RSPH9: variants seen among roughly 807,000 people sequenced by gnomAD.
The protein encoded by RSPH9 is radial spoke head component 9.
RSPH9 carries 27 observed loss-of-function variants against 27.0 expected under a neutral mutation model. The ratio of observed to expected loss-of-function variants is 1.00; its 90% CI spans 0.74 to 1.38. The LOEUF is 1.38. Ranked by LOEUF, RSPH9 falls within the 40% of genes most tolerant of loss-of-function variation. The pLI is 0.00. For synonymous variants in RSPH9, 145 were observed against 147.7 expected, an observed-to-expected ratio of 0.98 and a Z score of 0.13; for missense variants, 347 against 357.4, an observed-to-expected ratio of 0.97 and a Z score of 0.24.
chr6:43,670,697 C>A, intron 4 of RSPH9, 92 bp from the exon 5 acceptor site: 2 of 1,131,834 alleles, frequency 1.8e-6, no homozygotes, highest in Non-Finnish European at 2.7e-6. Flanking sequence ...GCACCTGGGC[C>A]TGGCTGCCCA....
In RSPH9 at chr6:43,671,934, G is replaced by C; in HGVS notation, c.*985G>C. 1.3e-6 allele frequency: 2 copies of C among 1,563,356 alleles called. No homozygotes were observed. Among genetic ancestry groups the C allele is most frequent in the Non-Finnish European group, 1.7e-6 (2 of 1,153,246 alleles). On this transcript the variant is annotated 3_prime_UTR_variant, in exon 5 of 5. Transcript: ENST00000372163. ...GTGGAGGGAGAACAAAGAGGTGCCT[G>C]TGAGGGCTGGGGGCCCAAGCTGGAC...
chr6:43,658,256 AC>A (rs1364607589), intron 4 of RSPH9, among the ~76,000 whole-genome samples: 2 of 142,720 alleles, frequency 1.4e-5, no homozygotes, highest in Non-Finnish European at 3.0e-5. Context: ...GCGCCACTGC[AC>A]TCCAGCCTGG....
chr6:43,665,823 CT>C (rs529992310), intron 4 of RSPH9, among the ~76,000 whole-genome samples: 11 of 148,610 alleles, frequency 7.4e-5, no homozygotes, highest in Admixed American at 6.7e-5. Flanking sequence ...TTCTTTCTTT[CT>C]TTTTTTTTTA....
At position 43,671,051 on chromosome 6, in the gene RSPH9, C is replaced by A; in HGVS notation, c.*102C>A. On this transcript the variant is annotated 3_prime_UTR_variant, in exon 5 of 5. Coordinates refer to ENST00000372163, the MANE Select transcript of RSPH9 (RefSeq NM_152732.5). ...GTTCTGTCCTATCTTCTTAACTCCA[C>A]CTCCGTCTGGTTCCAGATTCTGAAA... is the stretch of plus-strand genomic sequence containing the variant. 1 of 1,421,220 alleles carries A rather than the reference C, an allele frequency of 7.0e-7. No individual in the cohort carries two copies. The highest frequency in any genetic ancestry group is 9.8e-7 in the Non-Finnish European group (1 of 1,025,516). 88.0% of individuals were successfully genotyped at this position (1,421,220 alleles called of 1,614,324 possible). A position where few individuals can be genotyped will look rare whatever the true frequency, so the allele number is the denominator to read the frequency against.
intron 4 of RSPH9, among the ~76,000 whole-genome samples, chr6:43,661,489 C>T (rs140058259): frequency 6.1e-4 from 93 of 152,030 alleles, no homozygotes; most frequent in Admixed American, 2.3e-3. Flanking sequence ...GGTGAAACCC[C>T]ATCTCTACTA....
intron 2 of RSPH9, among the ~76,000 whole-genome samples, chr6:43,653,362 G>C (rs1771672796): frequency 6.7e-6 from 1 of 150,050 alleles, no homozygotes; most frequent in Non-Finnish European, 1.5e-5. Flanking sequence ...CAGGAGAATG[G>C]CTTGAATCCG....
At chr6:43,666,953 A>T (rs1201302298) in intron 4 of RSPH9, among the ~76,000 whole-genome samples, 1 of 152,178 alleles carries the variant, frequency 6.6e-6, no homozygotes, top group Non-Finnish European at 1.5e-5. Context: ...CATGTTGCCC[A>T]GGCTGCTCTC....
At position 43,645,286 on chromosome 6, in the gene RSPH9, T is replaced by C; in HGVS notation, c.188T>C (p.Leu63Pro). ...GCCGATTACTACATCGCGCAGGGCC[T>C]GAGTGAGGACCAGCTCGCACCGCGC... ...LVADYYIAQG[L>P]SEDQLAPRKT... is the part of the protein sequence containing the mutation. The change falls in exon 1 of 5, where the codon CTG (leucine) becomes CCG (proline). Residue 63 changes from leucine to proline, a missense_variant. Transcript: ENST00000372163. 1.9e-6 allele frequency: 3 copies of C among 1,608,224 alleles called. No individual in the cohort carries two copies. The highest frequency in any genetic ancestry group is 2.5e-6 in the Non-Finnish European group (3 of 1,179,290).
intron 4 of RSPH9, among the ~76,000 whole-genome samples, chr6:43,667,560 C>T (rs918489549): frequency 6.6e-6 from 1 of 152,200 alleles, no homozygotes; most frequent in South Asian, 2.1e-4. Context: ...TCGGGATGTG[C>T]GCAGGTGGCT....
At chr6:43,668,066 G>C (rs1294540300) in intron 4 of RSPH9, among the ~76,000 whole-genome samples, 1 of 152,106 alleles carries the variant, frequency 6.6e-6, no homozygotes, top group Admixed American at 6.5e-5. Context: ...TCAAAACACA[G>C]CTTCTGGAGA....
intron 4 of RSPH9, chr6:43,666,466 G>A: frequency 6.4e-7 from 1 of 1,550,592 alleles, no homozygotes; most frequent in Non-Finnish European, 8.7e-7. Flanking sequence ...TGGCTTCTGA[G>A]CAGGTGTGGT....
intron 4 of RSPH9, among the ~76,000 whole-genome samples, chr6:43,669,836 G>A (rs544450903): frequency 1.3e-5 from 2 of 152,322 alleles, no homozygotes; most frequent in East Asian, 3.9e-4. Flanking sequence ...ACTCAGCCCT[G>A]AGCTGGGCTG....
intron 4 of RSPH9, among the ~76,000 whole-genome samples, chr6:43,660,359 C>A (rs934168695): frequency 6.6e-6 from 1 of 152,108 alleles, no homozygotes; most frequent in African/African-American, 2.4e-5. Flanking sequence ...ACGTCTTGAA[C>A]CTGTCAATAT....
chr6:43,652,082 G>C (rs991786052), intron 2 of RSPH9, among the ~76,000 whole-genome samples: 7 of 151,580 alleles, frequency 4.6e-5, no homozygotes, highest in African/African-American at 1.7e-4. Flanking sequence ...TGAGGCGGGT[G>C]GATCACGACG....
chr6:43,646,913 G>A (rs1770932335), intron 1 of RSPH9, among the ~76,000 whole-genome samples: 1 of 149,390 alleles, frequency 6.7e-6, no homozygotes, highest in African/African-American at 2.5e-5. Context: ...CTGGCATCAT[G>A]CCACGCACTC....
chr6:43,669,854 G>C (rs562796340), intron 4 of RSPH9, among the ~76,000 whole-genome samples: 7 of 152,334 alleles, frequency 4.6e-5, no homozygotes, highest in African/African-American at 1.4e-4. Context: ...CTGCTCCTGT[G>C]TGGGGAGACA....
Position 43,656,661 on chromosome 6 carries a change from A to G in RSPH9, c.608A>G (p.Glu203Gly). The change falls in exon 4 of 5, where the codon GAG becomes GGG. Residue 203 changes from glutamate to glycine, a missense_variant. Coordinates refer to ENST00000372163, the MANE Select transcript of RSPH9 (RefSeq NM_152732.5). ...GAGCTAAAGAATAAGACCTTGCTTG[A>G]GAAGGCTGACCTGGACCCCTCCCTG... is the stretch of plus-strand genomic sequence containing the variant. ...PVELKNKTLL[E>G]KADLDPSLDF... 1 of 1,614,206 alleles carries G rather than the reference A, an allele frequency of 6.2e-7. No individual in the cohort carries two copies. The highest frequency in any genetic ancestry group is 8.5e-7 in the Non-Finnish European group (1 of 1,180,016).
At chr6:43,650,309 A>G (rs914643708) in intron 1 of RSPH9, 66 bp from the exon 2 acceptor site, 3 of 1,580,702 alleles carry the variant, frequency 1.9e-6, no homozygotes, top group Non-Finnish European at 2.6e-6. Context: ...GACAGAAGGG[A>G]AGATAATAGG....
At chr6:43,655,233 C>A (rs1771878403) in intron 2 of RSPH9, among the ~76,000 whole-genome samples, 1 of 152,110 alleles carries the variant, frequency 6.6e-6, no homozygotes, top group Non-Finnish European at 1.5e-5. Context: ...GGATGGTATG[C>A]CTCTGGAAGA....
Sources: allele counts gnomAD v4.1 joint callset (sites outside exome capture counted in the v4.1 genomes callset), GRCh38; gene constraint gnomAD v4.1.1; transcripts MANE v1.5; gene names NCBI Gene and HGNC (gene_info 2026-07-23, HGNC 2026-07-21).